ADGRL3: variants seen among roughly 807,000 people sequenced by gnomAD.
ADGRL3 encodes adhesion G protein-coupled receptor L3.
Under a neutral mutation model 153.5 loss-of-function variants are expected in ADGRL3, and 62 were observed. That is an observed-to-expected ratio of 0.40 (90% CI 0.33 to 0.50). The LOEUF is 0.50. Ranked by LOEUF, ADGRL3 falls within the 20% of genes least tolerant of loss-of-function variation. The probability of loss-of-function intolerance (pLI) is 0.47; values close to 1 mark genes in which losing one functional copy is unlikely to be tolerated. For synonymous variants in ADGRL3, 710 were observed against 672.5 expected, an observed-to-expected ratio of 1.06 and a Z score of -0.86; for missense variants, 1,641 against 1,859.4, an observed-to-expected ratio of 0.88 and a Z score of 2.16.
intron 1 of ADGRL3, among the ~76,000 whole-genome samples, chr4:61,371,858 T>A (rs1207070281): frequency 6.6e-6 from 1 of 152,202 alleles, no homozygotes; most frequent in Non-Finnish European, 1.5e-5. Flanking sequence ...CCCATCACTT[T>A]CAGGTACACC....
intron 19 of ADGRL3, among the ~76,000 whole-genome samples, chr4:61,991,816 C>A (rs1054197017): frequency 6.0e-5 from 9 of 150,558 alleles, no homozygotes; most frequent in Non-Finnish European, 1.2e-4. Flanking sequence ...TCTCTTCTGT[C>A]CTTCTTTTTT....
intron 1 of ADGRL3, among the ~76,000 whole-genome samples, chr4:61,237,646 C>T (rs1249951265): frequency 6.6e-6 from 1 of 152,154 alleles, no homozygotes; most frequent in African/African-American, 2.4e-5. Flanking sequence ...AAAAAATTAG[C>T]TGTAAAACAA....
At chr4:61,957,522 A>AT (rs1426561272) in intron 17 of ADGRL3, among the ~76,000 whole-genome samples, 11 of 149,738 alleles carry the variant, frequency 7.3e-5, no homozygotes, top group Admixed American at 2.7e-4. Context: ...TTAATGGTAC[A>AT]TTTTTTTCTC....
intron 1 of ADGRL3, among the ~76,000 whole-genome samples, chr4:61,352,358 G>A (rs968568502): frequency 2.6e-5 from 4 of 151,884 alleles, no homozygotes; most frequent in Non-Finnish European, 4.4e-5. Flanking sequence ...GACATAAAAT[G>A]CTATTGTACA....
intron 5 of ADGRL3, among the ~76,000 whole-genome samples, chr4:61,669,701 C>T (rs990545929): frequency 5.9e-5 from 9 of 152,040 alleles, no homozygotes; most frequent in Admixed American, 2.6e-4. Flanking sequence ...ATAGCACATG[C>T]TTTTGTATAA....
At chr4:61,872,929 G>A (rs1482007049) in intron 9 of ADGRL3, among the ~76,000 whole-genome samples, 1 of 152,116 alleles carries the variant, frequency 6.6e-6, no homozygotes, top group Admixed American at 6.5e-5. Context: ...GACCAATAAA[G>A]AAATTACAAT....
intron 5 of ADGRL3, among the ~76,000 whole-genome samples, chr4:61,646,823 C>T (rs1393802233): frequency 2.6e-5 from 4 of 152,202 alleles, no homozygotes; most frequent in African/African-American, 9.6e-5. Context: ...AGCTTCCCAG[C>T]TGCTTTGTTT....
intron 15 of ADGRL3, among the ~76,000 whole-genome samples, chr4:61,936,679 G>A (rs550816140): frequency 6.6e-6 from 1 of 150,722 alleles, no homozygotes; most frequent in South Asian, 2.1e-4. Context: ...GTGTATATAT[G>A]TATGTATAGA....
chr4:61,770,996 A>T (rs1000539684), intron 8 of ADGRL3, among the ~76,000 whole-genome samples: 1 of 152,198 alleles, frequency 6.6e-6, no homozygotes, highest in Non-Finnish European at 1.5e-5. Context: ...TGAGTGGAGC[A>T]GAATTTATTA....
chr4:61,584,371 A>T (rs2098937974), intron 4 of ADGRL3, among the ~76,000 whole-genome samples: 1 of 151,976 alleles, frequency 6.6e-6, no homozygotes, highest in Non-Finnish European at 1.5e-5. Flanking sequence ...AGTCCAAAAG[A>T]TACATGGAAA....
intron 5 of ADGRL3, among the ~76,000 whole-genome samples, chr4:61,615,001 GTTC>G (rs1218863704): frequency 2.6e-5 from 4 of 152,140 alleles, no homozygotes; most frequent in South Asian, 2.1e-4. Flanking sequence ...AGAATGTATT[GTTC>G]TTCTTTCTCA....
Position 61,297,035 on chromosome 4 carries a change from C to T in ADGRL3, c.-239-86089C>T, listed in dbSNP as rs1420523717. On this transcript the variant is annotated intron_variant, in intron 1 of 26. Coordinates refer to ENST00000683033, the MANE Select transcript of ADGRL3 (RefSeq NM_001387552.1). Reference sequence around the variant, plus strand: ...TCCCCTACTCCAAAGATACCATAAACAACAAAAAATAGTAGATCAATGTGT... The same window carrying T: ...TCCCCTACTCCAAAGATACCATAAATAACAAAAAATAGTAGATCAATGTGT... Among the ~76,000 whole-genome samples, 4 of 152,026 alleles carry T rather than the reference C, an allele frequency of 2.6e-5. No individual in the cohort carries two copies. In the South Asian group the frequency reaches 6.2e-4, roughly 24 times the overall value.
chr4:61,798,584 T>C (rs1367291860), intron 8 of ADGRL3, among the ~76,000 whole-genome samples: 3 of 151,358 alleles, frequency 2.0e-5, no homozygotes, highest in African/African-American at 7.3e-5. Flanking sequence ...AAAGTAGGAC[T>C]CATTTATTTG....
chr4:61,340,749 A>G (rs531389188), intron 1 of ADGRL3, among the ~76,000 whole-genome samples: 3 of 152,024 alleles, frequency 2.0e-5, no homozygotes, highest in Admixed American at 6.6e-5. Flanking sequence ...TACAGTTACA[A>G]TAAGTACTGA....
chr4:61,330,858 T>C (rs891004190), intron 1 of ADGRL3, among the ~76,000 whole-genome samples: 3 of 152,168 alleles, frequency 2.0e-5, no homozygotes, highest in Admixed American at 1.3e-4. Context: ...AGAGTGCTGA[T>C]TGGTGCATTT....
At chr4:61,855,220 G>A (rs556357974) in intron 9 of ADGRL3, among the ~76,000 whole-genome samples, 3 of 152,138 alleles carry the variant, frequency 2.0e-5, no homozygotes, top group Non-Finnish European at 4.4e-5. Context: ...ACTGAATGCT[G>A]GCTCTAGGGA....
chr4:61,506,813 C>G (rs2098433520), intron 3 of ADGRL3, among the ~76,000 whole-genome samples: 1 of 152,060 alleles, frequency 6.6e-6, no homozygotes, highest in Non-Finnish European at 1.5e-5. Flanking sequence ...CATTTTACAA[C>G]ATTTCATTCT....
chr4:61,748,721 A>G (rs899464780), intron 8 of ADGRL3, among the ~76,000 whole-genome samples: 1 of 152,206 alleles, frequency 6.6e-6, no homozygotes, highest in Non-Finnish European at 1.5e-5. Context: ...AAGGTGGATT[A>G]AAGACTTAAA....
intron 25 of ADGRL3, among the ~76,000 whole-genome samples, chr4:62,055,470 G>A (rs1235344519): frequency 6.6e-6 from 1 of 151,724 alleles, no homozygotes; most frequent in South Asian, 2.1e-4. Flanking sequence ...AAAGTGCACA[G>A]TGTGATAAAT....
Sources: gnomAD v4.1 joint callset for allele counts (sites outside exome capture counted in the v4.1 genomes callset) on GRCh38, gnomAD v4.1.1 for gene constraint, MANE v1.5 for transcripts, NCBI Gene and HGNC (gene_info 2026-07-23, HGNC 2026-07-21) for gene names.